The following NBEA variants were observed in gnomAD, a reference collection of about 807,000 sequenced individuals.
NBEA encodes lysosomal-trafficking regulator 2.
Under a neutral mutation model 343.4 loss-of-function variants are expected in NBEA, and 44 were observed. That is an observed-to-expected ratio of 0.13 (90% CI 0.10 to 0.16). NBEA has a LOEUF of 0.16. Among genes scored for constraint, NBEA ranks in the 10% least tolerant of loss-of-function variants. The pLI is 1.00. For synonymous variants in NBEA, 1,175 were observed against 1,238.7 expected (o/e 0.95, Z 1.08); for missense variants, 2,555 against 3,631.3 (o/e 0.70, Z 7.62).
At chr13:35,586,915 C>T (rs1441659182) in intron 46 of NBEA, among the ~76,000 whole-genome samples, 1 of 152,062 alleles carries the variant, frequency 6.6e-6, no homozygotes, top group Non-Finnish European at 1.5e-5. Context: ...AACAAAGTCA[C>T]AAAAATTTAC....
At chr13:35,317,434 T>C (rs1387694482) in intron 36 of NBEA, among the ~76,000 whole-genome samples, 1 of 152,190 alleles carries the variant, frequency 6.6e-6, no homozygotes, top group Non-Finnish European at 1.5e-5. Context: ...GCATTATTTC[T>C]GAGGCCTCTG....
At chr13:35,455,409 A>G (rs552230746) in intron 40 of NBEA, among the ~76,000 whole-genome samples, 46 of 150,520 alleles carry the variant, frequency 3.1e-4, no homozygotes, top group African/African-American at 8.2e-4. Context: ...AAAAAAAAAA[A>G]AAGAAGAAGA....
chr13:35,428,632 C>T (rs1256465724), intron 38 of NBEA, among the ~76,000 whole-genome samples: 1 of 151,962 alleles, frequency 6.6e-6, no homozygotes, highest in African/African-American at 2.4e-5. Flanking sequence ...TTTTTTCATT[C>T]ATTTCAAGCA....
intron 30 of NBEA, among the ~76,000 whole-genome samples, chr13:35,194,714 G>A (rs186640046): frequency 2.0e-4 from 31 of 152,062 alleles, no homozygotes; most frequent in African/African-American, 4.6e-4. Flanking sequence ...CAAGGTTATC[G>A]TTTAGAATTT....
intron 35 of NBEA, among the ~76,000 whole-genome samples, chr13:35,292,992 A>G (rs542124097): frequency 2.0e-5 from 3 of 152,030 alleles, no homozygotes; most frequent in East Asian, 1.9e-4. Context: ...AACACATTAG[A>G]TGGCTTTTAT....
chr13:35,415,397 A>T (rs2043843449), intron 38 of NBEA, among the ~76,000 whole-genome samples: 1 of 152,038 alleles, frequency 6.6e-6, no homozygotes, highest in Non-Finnish European at 1.5e-5. Flanking sequence ...ATCCATCTTG[A>T]ATTAATTTTT....
At chr13:35,608,281 T>C (rs1346893931) in intron 48 of NBEA, among the ~76,000 whole-genome samples, 2 of 152,196 alleles carry the variant, frequency 1.3e-5, no homozygotes, top group Non-Finnish European at 2.9e-5. Context: ...CTTTCAGATA[T>C]ATGCAGTTAT....
intron 33 of NBEA, among the ~76,000 whole-genome samples, chr13:35,227,073 T>C (rs2074695603): frequency 6.6e-6 from 1 of 152,082 alleles, no homozygotes; most frequent in South Asian, 2.1e-4. Flanking sequence ...TAATTCTGTT[T>C]AGGAGTAATA....
chr13:35,563,323 C>CA (rs943668357), intron 44 of NBEA, among the ~76,000 whole-genome samples: 2 of 151,796 alleles, frequency 1.3e-5, no homozygotes, highest in African/African-American at 4.8e-5. Context: ...CTAGGTATGC[C>CA]AGAGCCTCAT....
At chr13:35,035,641 C>T (rs1167280420) in intron 1 of NBEA, among the ~76,000 whole-genome samples, 4 of 151,822 alleles carry the variant, frequency 2.6e-5, no homozygotes, top group Non-Finnish European at 5.9e-5. Flanking sequence ...GTATTGGAAC[C>T]TATATTTGTC....
intron 38 of NBEA, among the ~76,000 whole-genome samples, chr13:35,417,760 G>A (rs1336933267): frequency 6.6e-6 from 1 of 152,098 alleles, no homozygotes; most frequent in South Asian, 2.1e-4. Context: ...TCCTCTTGGT[G>A]CAGAGCTGAG....
intron 36 of NBEA, among the ~76,000 whole-genome samples, chr13:35,340,930 A>T (rs533669390): frequency 6.6e-6 from 1 of 152,222 alleles, no homozygotes; most frequent in African/African-American, 2.4e-5. Flanking sequence ...GAGACATAGG[A>T]TAACCAAACC....
At chr13:35,350,708 T>G (rs1357858628) in intron 37 of NBEA, among the ~76,000 whole-genome samples, 2 of 150,658 alleles carry the variant, frequency 1.3e-5, no homozygotes, top group Non-Finnish European at 3.0e-5. Context: ...ATATCTCTCC[T>G]TTTTGGGTTA....
At chr13:35,121,451 T>G (rs1390565453) in intron 16 of NBEA, among the ~76,000 whole-genome samples, 1 of 152,046 alleles carries the variant, frequency 6.6e-6, no homozygotes, top group East Asian at 1.9e-4. Flanking sequence ...ATTTTTGCTG[T>G]TTAGTGTTGC....
chr13:35,562,804 A>G (rs2079924042), intron 44 of NBEA, among the ~76,000 whole-genome samples: 1 of 152,102 alleles, frequency 6.6e-6, no homozygotes. Context: ...GTGTTAATCC[A>G]GATGCTGCCA....
intron 44 of NBEA, among the ~76,000 whole-genome samples, chr13:35,564,145 G>A (rs34121360): frequency 5.7e-4 from 87 of 152,066 alleles, no homozygotes; most frequent in Middle Eastern, 6.8e-3. Flanking sequence ...CATTGACACA[G>A]TACATTTAAA....
chr13:35,335,964 C>G (rs1206174467), intron 36 of NBEA, among the ~76,000 whole-genome samples: 1 of 152,056 alleles, frequency 6.6e-6, no homozygotes, highest in Non-Finnish European at 1.5e-5. Flanking sequence ...GAAGTAAATG[C>G]TAAGGTACAG....
chr13:35,648,195 T>C (rs1427310549), intron 51 of NBEA, among the ~76,000 whole-genome samples: 1 of 146,844 alleles, frequency 6.8e-6, no homozygotes, highest in East Asian at 2.0e-4. Flanking sequence ...TTTTTTTTTT[T>C]TTTTTTTTTT....
At chr13:35,156,000 ATT>A in intron 19 of NBEA, 81 bp from the exon 20 acceptor site, 1 of 1,474,764 alleles carries the variant, frequency 6.8e-7, no homozygotes, top group Non-Finnish European at 9.2e-7. Context: ...AGTGTTAAGT[ATT>A]TATTTGAAAG....
Sources: allele counts gnomAD v4.1 joint callset (sites outside exome capture counted in the v4.1 genomes callset), GRCh38; gene constraint gnomAD v4.1.1; transcripts MANE v1.5; gene names NCBI Gene and HGNC (gene_info 2026-07-23, HGNC 2026-07-21).